The following OPRM1 variants were observed in gnomAD, a reference collection of about 807,000 sequenced individuals.
The protein encoded by OPRM1 is mu-type opioid receptor.
In OPRM1, 27 loss-of-function variants were observed where a neutral mutation model predicts 31.8. That is an observed-to-expected ratio of 0.85 (90% CI 0.63 to 1.17). The LOEUF (loss-of-function observed/expected upper bound fraction) is 1.17. Among genes scored for constraint, OPRM1 ranks in the 50% most tolerant of loss-of-function variants. OPRM1 has a pLI of 0.00. For synonymous variants in OPRM1, 196 were observed against 189.9 expected (o/e 1.03, Z -0.26); for missense variants, 536 against 511.1 (o/e 1.05, Z -0.47).
chr6:154,087,442 G>A (rs573579469), intron 1 of OPRM1: 15 of 985,422 alleles, frequency 1.5e-5, no homozygotes, highest in African/African-American at 1.2e-4. Flanking sequence ...TGATGGCACC[G>A]TGTAAATCAG....
intron 3 of OPRM1, among the ~76,000 whole-genome samples, chr6:154,099,367 GAAAGAA>G (rs1583533262): frequency 7.7e-6 from 1 of 130,006 alleles, no homozygotes; most frequent in South Asian, 2.6e-4. Context: ...GAGAGAGAGA[GAAAGAA>G]AGAGAAAGAA....
At chr6:154,243,814 G>T (rs978479165) in intron 3 of OPRM1, among the ~76,000 whole-genome samples, 6 of 152,118 alleles carry the variant, frequency 3.9e-5, no homozygotes, top group Admixed American at 1.3e-4. Context: ...TGGGACAATT[G>T]ACGCAATCTC....
chr6:154,228,504 TG>T (rs948730947), intron 3 of OPRM1, among the ~76,000 whole-genome samples: 1 of 152,250 alleles, frequency 6.6e-6, no homozygotes, highest in Admixed American at 6.5e-5. Context: ...TGATGTTCTA[TG>T]ATCTCAAACC....
chr6:154,228,455 T>G (rs1207088450), intron 3 of OPRM1, among the ~76,000 whole-genome samples: 7 of 152,236 alleles, frequency 4.6e-5, no homozygotes, highest in Non-Finnish European at 8.8e-5. Context: ...AATCTAGTCT[T>G]AAATTCAGAA....
intron 1 of OPRM1, among the ~76,000 whole-genome samples, chr6:154,024,936 G>A (rs866631002): frequency 2.6e-5 from 4 of 151,696 alleles, no homozygotes; most frequent in Middle Eastern, 3.4e-3. Context: ...GAATGTTTTA[G>A]ACATTAATGT....
At chr6:154,098,700 A>G (rs1793828481) in intron 3 of OPRM1, among the ~76,000 whole-genome samples, 1 of 152,228 alleles carries the variant, frequency 6.6e-6, no homozygotes, top group Non-Finnish European at 1.5e-5. Flanking sequence ...TCTGATCACT[A>G]TATCTTTTGG....
rs1796164103 is a variant in OPRM1 at position 154,109,936 on chromosome 6, T to C, written c.1165-8747T>C. 2.6e-5 allele frequency among the ~76,000 whole-genome samples: 4 copies of C among 152,114 alleles called. No individual in the cohort carries two copies. The South Asian group carries it at 8.3e-4, about 32-fold the overall frequency. ...GGACACCTTATAACATCTCACAGAA[T>C]AAAGGTTTCACTAAGCAATGTTTAA... On this transcript the variant is annotated intron_variant, in intron 3 of 3. Coordinates refer to ENST00000330432, the MANE Select transcript of OPRM1 (RefSeq NM_000914.5).
intron 3 of OPRM1, chr6:154,214,276 C>A (rs987234328): frequency 1.9e-6 from 3 of 1,605,864 alleles, no homozygotes; most frequent in Admixed American, 3.3e-5. Flanking sequence ...TATTTAACCA[C>A]CTAAAATTCA....
chr6:154,139,565 G>A lies in OPRM1; in HGVS notation c.1164+48093G>A, dbSNP rs915295954. ...AAAAACAGTGCTTTGAGGATCTCAT[G>A]TCTCTAGCATCTCAGAAAAAGCCCC... On this transcript the variant is annotated intron_variant, in intron 3 of 3. Coordinates refer to the OPRM1 transcript ENST00000337049. 3.3e-5 allele frequency among the ~76,000 whole-genome samples: 5 copies of A among 152,314 alleles called. 1 individual carries two copies. The South Asian group carries it at 1.0e-3, about 32-fold the overall frequency.
chr6:154,049,352 G>A (rs965469898), intron 1 of OPRM1, among the ~76,000 whole-genome samples: 1 of 152,132 alleles, frequency 6.6e-6, no homozygotes, highest in African/African-American at 2.4e-5. Flanking sequence ...AAAAGGACAC[G>A]TGTTTATAGT....
intron 3 of OPRM1, among the ~76,000 whole-genome samples, chr6:154,246,285 A>G (rs1275502823): frequency 6.6e-6 from 1 of 152,236 alleles, no homozygotes; most frequent in Admixed American, 6.5e-5. Context: ...TGAAACTATT[A>G]GAATCCCTCG....
chr6:154,133,895 G>A (rs1797991764), downstream of OPRM1, among the ~76,000 whole-genome samples: 2 of 152,210 alleles, frequency 1.3e-5, no homozygotes, highest in South Asian at 2.1e-4. Flanking sequence ...CATTTCCACA[G>A]AAAAGGCCAA....
intron 3 of OPRM1, among the ~76,000 whole-genome samples, chr6:154,194,875 C>CAT (rs915484006): frequency 2.6e-5 from 4 of 152,074 alleles, no homozygotes; most frequent in Non-Finnish European, 5.9e-5. Flanking sequence ...TGCCAATGAT[C>CAT]ATATATTCAA....
intron 3 of OPRM1, chr6:154,093,587 G>A: frequency 6.7e-7 from 1 of 1,481,666 alleles, no homozygotes; most frequent in Non-Finnish European, 8.9e-7. Flanking sequence ...TAACTAAAAG[G>A]TTTGCTTTAA....
intron 3 of OPRM1, among the ~76,000 whole-genome samples, chr6:154,244,978 A>C (rs1289853688): frequency 6.6e-6 from 1 of 152,204 alleles, no homozygotes; most frequent in East Asian, 1.9e-4. Flanking sequence ...CGCTTGCCAC[A>C]ACTACCCCAA....
intron 1 of OPRM1, chr6:154,086,785 G>A: frequency 2.0e-6 from 2 of 985,344 alleles, no homozygotes; most frequent in Non-Finnish European, 2.4e-6. Context: ...TAGGAAAGTG[G>A]CAAATGCAAT....
chr6:154,151,534 T>C (rs968586279), intron 3 of OPRM1, among the ~76,000 whole-genome samples: 1 of 152,042 alleles, frequency 6.6e-6, no homozygotes, highest in Non-Finnish European at 1.5e-5. Flanking sequence ...TGAGGGAAAT[T>C]TTCTGGAAAA....
chr6:154,133,362 A>T (rs73790440), downstream of OPRM1, among the ~76,000 whole-genome samples: 1,067 of 152,264 alleles, frequency 7.0e-3, 15 homozygotes, highest in African/African-American at 0.024. Flanking sequence ...TTAAAGTCCG[A>T]TCCCTTCCCA....
At chr6:154,083,226 G>T (rs973643339) in intron 1 of OPRM1, among the ~76,000 whole-genome samples, 6 of 152,106 alleles carry the variant, frequency 3.9e-5, no homozygotes, top group African/African-American at 1.4e-4. Context: ...CTCCAACCCA[G>T]TTTCCAATTC....
Sources: gnomAD v4.1 joint callset for allele counts (sites outside exome capture counted in the v4.1 genomes callset) on GRCh38, gnomAD v4.1.1 for gene constraint, MANE v1.5 for transcripts, NCBI Gene and HGNC (gene_info 2026-07-23, HGNC 2026-07-21) for gene names.